CRB1: variants seen among roughly 807,000 people sequenced by gnomAD.
CRB1 encodes protein crumbs homolog 1.
In CRB1, 83 loss-of-function variants were observed where a neutral mutation model predicts 120.0. That is an observed-to-expected ratio of 0.69 (90% confidence interval 0.58 to 0.83). CRB1 has a LOEUF of 0.83. CRB1 is among the 40% of genes least tolerant of loss of function. CRB1 has a pLI of 0.00. For missense variants in CRB1, 1,699 were observed against 1,687.6 expected (o/e 1.01, Z -0.12); for synonymous variants, 625 against 612.5 (o/e 1.02, Z -0.30).
At chr1:197,359,196 A>T (rs1334698272) in intron 5 of CRB1, among the ~76,000 whole-genome samples, 2 of 152,132 alleles carry the variant, frequency 1.3e-5, no homozygotes, top group Non-Finnish European at 2.9e-5. Flanking sequence ...CATCCAGAAC[A>T]ATTATCATCA....
At chr1:197,214,608 A>G in the CRB1 span, among the ~76,000 whole-genome samples, 1 of 152,220 alleles carries the variant, frequency 6.6e-6, no homozygotes, top group Non-Finnish European at 1.5e-5. Flanking sequence ...TAAGCATACA[A>G]CCAATCAAAA....
At chr1:197,227,002 C>T in the CRB1 span, among the ~76,000 whole-genome samples, 7 of 152,198 alleles carry the variant, frequency 4.6e-5, no homozygotes, top group African/African-American at 1.7e-4. Context: ...CCTCCCACAA[C>T]ATGTGGGAAT....
chr1:197,323,954 A>G (rs528311792), intron 1 of CRB1, among the ~76,000 whole-genome samples: 8 of 152,332 alleles, frequency 5.3e-5, no homozygotes, highest in African/African-American at 1.9e-4. Flanking sequence ...CAGAAATTAT[A>G]TATAAAAGCA....
chr1:197,469,490 C>T (rs1307312949), intron 11 of CRB1, among the ~76,000 whole-genome samples: 2 of 152,040 alleles, frequency 1.3e-5, no homozygotes, highest in Non-Finnish European at 2.9e-5. Context: ...ACAAATGGGT[C>T]TGGGCATAGA....
chr1:197,412,087 A>G (rs968138389), intron 5 of CRB1, among the ~76,000 whole-genome samples: 1 of 152,250 alleles, frequency 6.6e-6, no homozygotes, highest in African/African-American at 2.4e-5. Flanking sequence ...TGTGTATTCT[A>G]TACGGTGGAA....
chr1:197,396,459 G>A (rs961419456), intron 5 of CRB1, among the ~76,000 whole-genome samples: 7 of 151,688 alleles, frequency 4.6e-5, no homozygotes, highest in African/African-American at 1.7e-4. Context: ...TTTTTTTGTA[G>A]AAATTGATAG....
chr1:197,403,339 T>C (rs1044607323), intron 5 of CRB1, among the ~76,000 whole-genome samples: 3 of 152,180 alleles, frequency 2.0e-5, no homozygotes, highest in Admixed American at 6.5e-5. Flanking sequence ...TCATTCTCAG[T>C]TCCAAAGAAT....
chr1:197,301,610 C>T (rs1240575990), intron 1 of CRB1, among the ~76,000 whole-genome samples: 2 of 152,100 alleles, frequency 1.3e-5, no homozygotes, highest in African/African-American at 4.8e-5. Flanking sequence ...TTTGTAGGTG[C>T]CTCATTAATG....
intron 5 of CRB1, among the ~76,000 whole-genome samples, chr1:197,408,041 C>A (rs2476021): frequency 1.3e-5 from 2 of 152,044 alleles, no homozygotes; most frequent in African/African-American, 2.4e-5. Flanking sequence ...TATATAATAC[C>A]GTACACTAGG....
At chr1:197,442,608 T>C in intron 11 of CRB1, 2 of 1,240,186 alleles carry the variant, frequency 1.6e-6, no homozygotes, top group South Asian at 1.7e-5. Flanking sequence ...ATTCTAACTT[T>C]AAATATGAAA....
chr1:197,368,792 T>C (rs1246624001), intron 5 of CRB1, among the ~76,000 whole-genome samples: 1 of 152,180 alleles, frequency 6.6e-6, no homozygotes. Context: ...AACTTAAGTA[T>C]GCTGACCAAT....
At chr1:197,349,927 C>T (rs1004880722) in intron 4 of CRB1, among the ~76,000 whole-genome samples, 9 of 151,484 alleles carry the variant, frequency 5.9e-5, no homozygotes, top group Admixed American at 3.9e-4. Flanking sequence ...GGTGAAACCC[C>T]GTCTCTACTA....
At chr1:197,471,068 A>G (rs1404334656) in intron 11 of CRB1, among the ~76,000 whole-genome samples, 1 of 151,972 alleles carries the variant, frequency 6.6e-6, no homozygotes, top group East Asian at 1.9e-4. Flanking sequence ...TTTCCACAGT[A>G]GCTGTTCTAG....
Position 197,409,465 on chromosome 1 carries a change from A to G in CRB1, c.1172-11535A>G, listed in dbSNP as rs533450127. Among the ~76,000 whole-genome samples, 8 of 152,266 alleles carry G rather than the reference A, an allele frequency of 5.3e-5. No individual in the cohort carries two copies. In the South Asian group the frequency reaches 1.7e-3, roughly 32 times the overall value. On this transcript the variant is annotated intron_variant, in intron 5 of 11. Transcript: ENST00000367400. ...ACAATTTTGTATCTTATTGACGACA[A>G]TGTTATTATTTATTGTCCTATGCTC...
chr1:197,420,944 A>G lies in CRB1; in HGVS notation c.1172-56A>G, dbSNP rs1283124796. ...AGATTATACAAGTAAATTACGTGAAACTTCTATTTTTGATGTGAATATATA... is the reference window on the plus strand; with the variant it reads ...AGATTATACAAGTAAATTACGTGAAGCTTCTATTTTTGATGTGAATATATA... On this transcript the variant is annotated intron_variant, in intron 5 of 11. Coordinates refer to ENST00000367400, the MANE Select transcript of CRB1 (RefSeq NM_201253.3). 2.6e-6 allele frequency: 3 copies of G among 1,139,468 alleles called. No homozygotes were observed. In the African/African-American group the frequency reaches 4.6e-5, roughly 17 times the overall value. 70.6% of individuals were successfully genotyped at this position (1,139,468 alleles called of 1,614,324 possible).
chr1:197,380,439 A>G (rs1001523930), intron 5 of CRB1, among the ~76,000 whole-genome samples: 1 of 152,200 alleles, frequency 6.6e-6, no homozygotes, highest in Non-Finnish European at 1.5e-5. Flanking sequence ...CATTCACTTA[A>G]GAAGAATCTA....
chr1:197,241,041 G>A, the CRB1 span, among the ~76,000 whole-genome samples: 1 of 152,106 alleles, frequency 6.6e-6, no homozygotes, highest in Admixed American at 6.5e-5. Flanking sequence ...ACTTTTTGAT[G>A]GGGTTGTTTG....
the CRB1 span, among the ~76,000 whole-genome samples, chr1:197,251,057 G>A: frequency 6.6e-6 from 1 of 151,908 alleles, no homozygotes; most frequent in South Asian, 2.1e-4. Flanking sequence ...CAGACATCAT[G>A]ATACTTTCCA....
chr1:197,449,175 T>C (rs1665836883), intron 11 of CRB1, among the ~76,000 whole-genome samples: 1 of 152,196 alleles, frequency 6.6e-6, no homozygotes, highest in Admixed American at 6.5e-5. Context: ...AAAATCCTTT[T>C]CAGTTAATTC....
Sources: allele counts gnomAD v4.1 joint callset (sites outside exome capture counted in the v4.1 genomes callset), GRCh38; gene constraint gnomAD v4.1.1; transcripts MANE v1.5; gene names NCBI Gene and HGNC (gene_info 2026-07-23, HGNC 2026-07-21).